The following FCF1 variants were observed in gnomAD, a reference collection of about 807,000 sequenced individuals.
The protein encoded by FCF1 is FCF1 rRNA-processing protein.
A neutral mutation model predicts 32.5 loss-of-function variants in FCF1; 17 were observed. The ratio of observed to expected loss-of-function variants is 0.52; its 90% confidence interval spans 0.36 to 0.78. The LOEUF is 0.78. FCF1 is among the 30% of genes least tolerant of loss of function. The pLI, the probability that FCF1 is intolerant of heterozygous loss-of-function variation, is 0.00. For synonymous variants in FCF1, 84 were observed against 78.4 expected (o/e 1.07, Z -0.38); for missense variants, 201 against 241.1 (o/e 0.83, Z 1.10).
chr14:74,715,664 G>T (rs2090408569), intron 3 of FCF1: 2 of 476,414 alleles, frequency 4.2e-6, no homozygotes, highest in Non-Finnish European at 7.6e-6. Context: ...TGTGCCCATG[G>T]TGATTCTACT....
chr14:74,724,066 G>T (rs1416302122), intron 5 of FCF1, among the ~76,000 whole-genome samples: 2 of 152,100 alleles, frequency 1.3e-5, no homozygotes, highest in African/African-American at 4.8e-5. Context: ...ACAATGCCAA[G>T]AATAGTTAAG....
Position 74,731,318 on chromosome 14 carries a change from G to A in FCF1, c.366-1413G>A, listed in dbSNP as rs566398863. On this transcript the variant is annotated intron_variant, in intron 5 of 7. Transcript: ENST00000341162. ...ATGACAGCATGTTAGTATGTTTCTAGGAAAGAGCTAGTAGAGAGGAGACAA... is the reference window on the plus strand; with the variant it reads ...ATGACAGCATGTTAGTATGTTTCTAAGAAAGAGCTAGTAGAGAGGAGACAA... Among the ~76,000 whole-genome samples, 7 of 152,222 alleles carry A rather than the reference G, an allele frequency of 4.6e-5. No individual in the cohort carries two copies. In the South Asian group the frequency reaches 1.0e-3, roughly 23 times the overall value.
intron 3 of FCF1, 179 bp from the exon 4 acceptor site, chr14:74,715,772 G>T: frequency 7.1e-7 from 1 of 1,417,612 alleles, no homozygotes; most frequent in Non-Finnish European, 9.5e-7. Context: ...TGCCAGGGGA[G>T]CTGAGATTAA....
At chr14:74,717,251 G>A (rs1241466031) in intron 4 of FCF1, among the ~76,000 whole-genome samples, 2 of 152,166 alleles carry the variant, frequency 1.3e-5, no homozygotes, top group Admixed American at 1.3e-4. Flanking sequence ...AGCTACTTGG[G>A]AGGCTGAGGC....
intron 5 of FCF1, among the ~76,000 whole-genome samples, chr14:74,727,005 A>C (rs2090585508): frequency 6.6e-6 from 1 of 152,012 alleles, no homozygotes; most frequent in African/African-American, 2.4e-5. Context: ...CCAGTCTATC[A>C]TTGTTGGACA....
chr14:74,713,964 A>T (rs2090373903), intron 2 of FCF1, among the ~76,000 whole-genome samples: 1 of 152,188 alleles, frequency 6.6e-6, no homozygotes, highest in Middle Eastern at 3.2e-3. Flanking sequence ...CTGGTACTCA[A>T]ATATTTTTGT....
intron 4 of FCF1, among the ~76,000 whole-genome samples, chr14:74,722,727 G>C (rs2090522154): frequency 6.6e-6 from 1 of 151,784 alleles, no homozygotes; most frequent in Non-Finnish European, 1.5e-5. Flanking sequence ...TTGATCCCAG[G>C]AGTTCAAGAC....
chr14:74,713,639 G>GT (rs3214407), intron 2 of FCF1, 87 bp downstream of exon 2: 258,759 of 1,219,802 alleles, frequency 0.21, 30,265 homozygotes, highest in South Asian at 0.3. Flanking sequence ...TTATTATTTT[G>GT]TTTTTTGCTT....
At chr14:74,721,020 G>A (rs1360170471) in intron 4 of FCF1, among the ~76,000 whole-genome samples, 1 of 150,954 alleles carries the variant, frequency 6.6e-6, no homozygotes, top group African/African-American at 2.4e-5. Context: ...CGGGATTGCA[G>A]GTGTGTTCCA....
At chr14:74,720,561 A>C (rs971224510) in intron 4 of FCF1, among the ~76,000 whole-genome samples, 1 of 152,192 alleles carries the variant, frequency 6.6e-6, no homozygotes, top group Non-Finnish European at 1.5e-5. Flanking sequence ...CACTGTATGG[A>C]TAGATCACAT....
chr14:74,720,762 G>T (rs2090489779), intron 4 of FCF1, among the ~76,000 whole-genome samples: 1 of 152,094 alleles, frequency 6.6e-6, no homozygotes, highest in African/African-American at 2.4e-5. Context: ...TGATCCTGCA[G>T]CCACAGCCTC....
intron 4 of FCF1, among the ~76,000 whole-genome samples, chr14:74,718,325 C>G (rs2090449952): frequency 1.3e-5 from 2 of 152,264 alleles, no homozygotes; most frequent in African/African-American, 4.8e-5. Context: ...CCTATGAATC[C>G]TGAGGCTGTT....
chr14:74,718,957 C>T (rs1006438883), intron 4 of FCF1, among the ~76,000 whole-genome samples: 1 of 151,428 alleles, frequency 6.6e-6, no homozygotes, highest in Non-Finnish European at 1.5e-5. Flanking sequence ...TGGTGAAACC[C>T]CATCTCTACT....
intron 5 of FCF1, among the ~76,000 whole-genome samples, chr14:74,730,469 T>C (rs189572663): frequency 1.1e-4 from 16 of 152,174 alleles, no homozygotes; most frequent in Non-Finnish European, 1.9e-4. Context: ...ATCCTGGCAC[T>C]TAGGAAGGCT....
Position 74,735,108 on chromosome 14 carries a change from A to T in FCF1, c.*178A>T, listed in dbSNP as rs1594794436. On this transcript the variant is annotated 3_prime_UTR_variant, in exon 8 of 8. Transcript: ENST00000341162. The stretch of plus-strand genomic sequence containing the variant: ...TTAACATCCAAAGGACTGAACCCTG[A>T]ACAGAGTTAAGTTACCTTTTAAGCA... The T allele has an allele frequency of 5.1e-6, 3 of 591,104 alleles. No individual in the cohort carries two copies. Among genetic ancestry groups the T allele is most frequent in the Non-Finnish European group, 9.0e-6 (3 of 334,116 alleles). 36.6% of individuals were successfully genotyped at this position (591,104 alleles called of 1,614,324 possible).
intron 4 of FCF1, among the ~76,000 whole-genome samples, chr14:74,722,368 G>A (rs1049461916): frequency 2.0e-5 from 3 of 151,974 alleles, no homozygotes; most frequent in African/African-American, 7.2e-5. Context: ...ATTTTCATCT[G>A]TTTAATCTTT....
At chr14:74,724,588 C>T (rs1033060787) in intron 5 of FCF1, among the ~76,000 whole-genome samples, 15 of 152,292 alleles carry the variant, frequency 9.8e-5, no homozygotes, top group African/African-American at 3.6e-4. Flanking sequence ...ACCCAACCCC[C>T]GAGTATATTT....
intron 4 of FCF1, among the ~76,000 whole-genome samples, chr14:74,716,780 T>C (rs747705602): frequency 5.3e-5 from 8 of 152,206 alleles, no homozygotes; most frequent in Non-Finnish European, 1.0e-4. Flanking sequence ...TATTTTTCAG[T>C]CACCCGGTTA....
At chr14:74,718,340 T>C (rs1408464730) in intron 4 of FCF1, among the ~76,000 whole-genome samples, 1 of 152,146 alleles carries the variant, frequency 6.6e-6, no homozygotes, top group East Asian at 1.9e-4. Context: ...GCTGTTACTT[T>C]CCCTTTCCTT....
Sources: allele counts gnomAD v4.1 joint callset (sites outside exome capture counted in the v4.1 genomes callset), GRCh38; gene constraint gnomAD v4.1.1; transcripts MANE v1.5; gene names NCBI Gene and HGNC (gene_info 2026-07-23, HGNC 2026-07-21).